SCN8A: variants seen among roughly 807,000 people sequenced by gnomAD.
SCN8A encodes sodium voltage-gated channel alpha subunit 8.
In SCN8A, 30 loss-of-function variants were observed where a neutral mutation model predicts 184.1. That is an observed-to-expected ratio of 0.16 (90% confidence interval 0.12 to 0.22). SCN8A has a LOEUF of 0.22. Ranked by LOEUF, SCN8A falls within the 10% of genes least tolerant of loss-of-function variation. The pLI, the probability that SCN8A is intolerant of heterozygous loss-of-function variation, is 1.00. For missense variants in SCN8A, 1,057 were observed against 2,498.9 expected, an observed-to-expected ratio of 0.42 and a Z score of 12.30; for synonymous variants, 852 against 907.0, an observed-to-expected ratio of 0.94 and a Z score of 1.09.
At chr12:51,661,862 A>C (rs1469220850) in intron 1 of SCN8A, among the ~76,000 whole-genome samples, 1 of 152,234 alleles carries the variant, frequency 6.6e-6, no homozygotes, top group Admixed American at 6.5e-5. Flanking sequence ...ATGGAAAATG[A>C]GCTTTTCAAA....
intron 1 of SCN8A, among the ~76,000 whole-genome samples, chr12:51,611,652 C>G (rs1939723057): frequency 2.0e-5 from 3 of 152,028 alleles, no homozygotes; most frequent in Admixed American, 6.6e-5. Flanking sequence ...CATCCCTATG[C>G]CTGGCTAATT....
In SCN8A at chr12:51,770,617, C is replaced by T. The variant is rs1942911254; in HGVS notation, c.3579C>T (p.Leu1193=). 6.2e-7 allele frequency: 1 copy of T among 1,614,090 alleles called. No individual in the cohort carries two copies. Among genetic ancestry groups the T allele is most frequent in the Admixed American group, 1.7e-5 (1 of 60,010 alleles). The part of the protein sequence containing the change: ...SWWILRKTCF[L]IVEHNWFETF... Reference sequence around the variant, plus strand: ...GGATCCTGCGGAAAACCTGCTTCCTCATCGTGGAGCACAACTGGTTTGAGA... The same window carrying T: ...GGATCCTGCGGAAAACCTGCTTCCTTATCGTGGAGCACAACTGGTTTGAGA... Residue 1193 remains leucine (L), a synonymous_variant, in exon 19 of 27, where the codon CTC becomes CTT. Transcript: ENST00000627620.
chr12:51,663,106 A>G lies in SCN8A; in HGVS notation c.276+13A>G, dbSNP rs766039843. 6.2e-7 allele frequency: 1 copy of G among 1,612,230 alleles called. No homozygotes were observed. Among genetic ancestry groups the G allele is most frequent in the Non-Finnish European group, 8.5e-7 (1 of 1,178,424 alleles). Reference sequence around the variant, plus strand: ...TTTGACGCAGAAAGTGAGTTGGAGGAGGAGGAGCAGCTGCAGATACCTGTT... The same window carrying G: ...TTTGACGCAGAAAGTGAGTTGGAGGGGGAGGAGCAGCTGCAGATACCTGTT... On this transcript the variant is annotated intron_variant, in intron 2 of 26. Coordinates refer to ENST00000627620, the MANE Select transcript of SCN8A (RefSeq NM_001330260.2).
intron 11 of SCN8A, chr12:51,712,998 A>C: frequency 5.7e-6 from 9 of 1,586,228 alleles, no homozygotes; most frequent in Non-Finnish European, 7.8e-6. Context: ...TCTCTTGTTT[A>C]GAAAGGGCCT....
At chr12:51,685,988 A>T (rs972002265) in intron 3 of SCN8A, among the ~76,000 whole-genome samples, 1 of 152,236 alleles carries the variant, frequency 6.6e-6, no homozygotes, top group African/African-American at 2.4e-5. Flanking sequence ...TATAGATTTA[A>T]TTGATTTTCT....
chr12:51,765,846 A>C lies in SCN8A; in HGVS notation c.2720A>C (p.Lys907Thr), dbSNP rs1307522028. 1 of 1,614,012 alleles carries C rather than the reference A, an allele frequency of 6.2e-7. No individual in the cohort carries two copies. Reference sequence around the variant, plus strand: ...AAAAGCTACAAAGAGTGTGTCTGCAAGATCAACCAGGACTGTGAACTCCCT... The same window carrying C: ...AAAAGCTACAAAGAGTGTGTCTGCACGATCAACCAGGACTGTGAACTCCCT... Reference protein sequence around the residue: ...FGKSYKECVCKINQDCELPRW... With the variant: ...FGKSYKECVCTINQDCELPRW... The change falls in exon 16 of 27, where the codon AAG becomes ACG. Residue 907 changes from lysine (K) to threonine (T), a missense_variant. Physicochemically the swap from Lys to Thr is moderately conservative, Grantham distance 78. Coordinates refer to ENST00000627620, the MANE Select transcript of SCN8A (RefSeq NM_001330260.2).
In SCN8A at chr12:51,679,721, C is replaced by CTTTTTTTTTTTTTTTTTTTTT. The variant is rs34564079; in HGVS notation, c.277-4451_277-4431dup. On this transcript the variant is annotated intron_variant, in intron 2 of 26. Coordinates refer to ENST00000627620, the MANE Select transcript of SCN8A (RefSeq NM_001330260.2). Reference sequence around the variant, plus strand: ...TGTGTTTGTCCAAAGACTATCTTGCCTTTTTTTTTTTTTTTTTTTTTTGAG... The same window carrying CTTTTTTTTTTTTTTTTTTTTT: ...TGTGTTTGTCCAAAGACTATCTTGCCTTTTTTTTTTTTTTTTTTTTTTTTTTTTTTTTTTTTTTTTTTTGAG... Among the ~76,000 whole-genome samples, 2 of 85,510 alleles carry CTTTTTTTTTTTTTTTTTTTTT rather than the reference C, an allele frequency of 2.3e-5. 1 individual carries two copies. Among genetic ancestry groups the CTTTTTTTTTTTTTTTTTTTTT allele is most frequent in the African/African-American group, 9.1e-5 (2 of 22,030 alleles). The allele number at this position is 85,510 out of a possible 152,430, so 56.1% of individuals were successfully genotyped here.
intron 1 of SCN8A, among the ~76,000 whole-genome samples, chr12:51,594,824 T>C (rs762232469): frequency 1.3e-5 from 2 of 152,162 alleles, no homozygotes; most frequent in Non-Finnish European, 2.9e-5. Context: ...AAAGAAGCGC[T>C]TGTAAAGTTA....
chr12:51,811,552 T>G lies in SCN8A; in HGVS notation c.*4123T>G, dbSNP rs1174084014. 2 of 152,436 alleles carry G rather than the reference T, an allele frequency of 1.3e-5. No individual in the cohort carries two copies. The highest frequency in any genetic ancestry group is 2.9e-5 in the Non-Finnish European group (2 of 68,176). The allele number at this position is 152,436 out of a possible 1,614,324, so 9.4% of individuals were successfully genotyped here. A position where few individuals can be genotyped will look rare whatever the true frequency, so the allele number is the denominator to read the frequency against. On this transcript the variant is annotated 3_prime_UTR_variant, in exon 27 of 27. Coordinates refer to ENST00000627620, the MANE Select transcript of SCN8A (RefSeq NM_001330260.2). ...CACTCTGCAAGCTCATACTGGGCCC[T>G]GCCCTCCATCGCCCCAGACAGGCCC...
At chr12:51,716,786 C>T (rs1441977443) in intron 11 of SCN8A, among the ~76,000 whole-genome samples, 1 of 152,150 alleles carries the variant, frequency 6.6e-6, no homozygotes, top group Non-Finnish European at 1.5e-5. Flanking sequence ...TGGGCTTGTA[C>T]GCTGAACCTC....
chr12:51,774,157 A>G, intron 19 of SCN8A, 32 bp from the exon 20 acceptor site: 1 of 1,607,584 alleles, frequency 6.2e-7, no homozygotes, highest in East Asian at 2.2e-5. Context: ...GCCTTTAGGC[A>G]CTGTCATAGG....
chr12:51,780,605 GGTTACCT>G, intron 20 of SCN8A, 37 bp from the exon 21 acceptor site: 1 of 71,134 alleles, frequency 1.4e-5, no homozygotes, highest in Non-Finnish European at 2.3e-5. Context: ...TTTTTTTTTT[GGTTACCT>G]TTTTTGTTTT....
intron 11 of SCN8A, among the ~76,000 whole-genome samples, chr12:51,720,178 T>G (rs908236451): frequency 6.7e-6 from 1 of 150,348 alleles, no homozygotes; most frequent in African/African-American, 2.4e-5. Context: ...GGATATTATA[T>G]AACTTACAGC....
Position 51,806,974 on chromosome 12 carries a change from A to T in SCN8A, c.5488A>T (p.Ile1830Phe). Reference protein sequence around the residue: ...RVPKPNTIELIAMDLPMVSGD... With the variant: ...RVPKPNTIELFAMDLPMVSGD... ...GCCCAAGCCCAATACCATTGAGCTC[A>T]TCGCTATGGATCTGCCAATGGTGAG... Residue 1830 changes from isoleucine to phenylalanine, a missense_variant, in exon 27 of 27, where the codon ATC becomes TTC. By Grantham distance (21) the Ile-to-Phe change is conservative (BLOSUM62 0). Transcript: ENST00000627620. This position sits in a 1 kb window ranked among gnomAD's most constrained non-coding sequence, Gnocchi z 8.7. The T allele has an allele frequency of 3.1e-6, 5 of 1,614,020 alleles. No homozygotes were observed. Among genetic ancestry groups the T allele is most frequent in the Non-Finnish European group, 4.2e-6 (5 of 1,179,890 alleles).
chr12:51,792,931 C>A (rs1289017791), intron 25 of SCN8A, among the ~76,000 whole-genome samples: 1 of 152,060 alleles, frequency 6.6e-6, no homozygotes, highest in Non-Finnish European at 1.5e-5. Context: ...TTAGTAGAGA[C>A]AAGGTTTCAC....
chr12:51,706,130 G>A (rs1372103934), intron 10 of SCN8A, among the ~76,000 whole-genome samples: 1 of 152,010 alleles, frequency 6.6e-6, no homozygotes, highest in Non-Finnish European at 1.5e-5. Flanking sequence ...ATGTTACTTA[G>A]CATTCATTTC....
At chr12:51,746,285 G>T (rs1942511047) in intron 13 of SCN8A, among the ~76,000 whole-genome samples, 2 of 152,176 alleles carry the variant, frequency 1.3e-5, no homozygotes, top group Non-Finnish European at 2.9e-5. Context: ...GAAAGGACCT[G>T]CATGAGTGAC....
Position 51,700,999 on chromosome 12 carries a change from T to G in SCN8A, c.929-145T>G, listed in dbSNP as rs117012380. On this transcript the variant is annotated intron_variant, in intron 7 of 26. Coordinates refer to ENST00000627620, the MANE Select transcript of SCN8A (RefSeq NM_001330260.2). ...AAGAAAATCATTAATAGGAAAGAAT[T>G]CTTATCAGCTGTCACAGCTGTTGGA... 2.1e-3 allele frequency: 1,034 copies of G among 484,080 alleles called. 3 individuals are homozygous for G. Among genetic ancestry groups the G allele is most frequent in the Non-Finnish European group, 3.2e-3 (862 of 273,266 alleles). The allele number at this position is 484,080 out of a possible 1,614,324, so 30.0% of individuals were successfully genotyped here. A position where few individuals can be genotyped will look rare whatever the true frequency, so the allele number is the denominator to read the frequency against.
rs369346315 is a variant in SCN8A at position 51,807,365 on chromosome 12, G to A, written c.5879G>A (p.Arg1960Gln). Residue 1960 changes from arginine (R) to glutamine (Q), a missense_variant, in exon 27 of 27, where the codon CGG becomes CAG. By Grantham distance (43) the Arg-to-Gln change is conservative. This residue lies in a region of SCN8A where 95 missense variants were observed against 140.2 expected (regional missense o/e 0.68). Transcript: ENST00000627620. This position sits in a 1 kb window ranked among gnomAD's most constrained non-coding sequence, Gnocchi z 4.5. ...VTKPEKEKQQ[R>Q]AEEGRRERAK... ...AAACCTGAAAAGGAGAAACAGCAGC[G>A]GGCAGAGGAAGGAAGAAGGGAAAGA... 7.3e-5 allele frequency: 117 copies of A among 1,613,468 alleles called. No homozygotes were observed. The Middle Eastern group carries it at 9.9e-4, about 14-fold the overall frequency.
Sources: gnomAD v4.1 joint callset for allele counts (sites outside exome capture counted in the v4.1 genomes callset) on GRCh38, gnomAD v4.1.1 for gene constraint, gnomAD v4.1.1 regional missense constraint, Gnocchi (gnomAD v3.1) non-coding constraint, MANE v1.5 for transcripts, NCBI Gene and HGNC (gene_info 2026-07-23, HGNC 2026-07-21) for gene names.